CHST5: variants seen among roughly 807,000 people sequenced by gnomAD.
CHST5 encodes carbohydrate sulfotransferase 5.
For synonymous variants in CHST5, 313 were observed against 279.2 expected (o/e 1.12, Z -1.21); for missense variants, 637 against 602.1 (o/e 1.06, Z -0.61).
In CHST5 at chr16:75,531,104, C is replaced by T. The variant is rs1159643414; in HGVS notation, c.-720G>A. The stretch of plus-strand genomic sequence containing the variant: ...ATGGGAGGCCGAGGCGGGCGGATCA[C>T]GAGGTCAGGAGATCGAGACCATCCT... On this transcript the variant is annotated 5_prime_UTR_variant, in exon 4 of 4. In the 5' UTR this introduces an upstream ATG that the reference lacks. Transcript: ENST00000336257. 4.3e-6 allele frequency: 4 copies of T among 935,750 alleles called. No individual in the cohort carries two copies. In the African/African-American group the frequency reaches 5.4e-5, roughly 13 times the overall value. 58.0% of individuals were successfully genotyped at this position (935,750 alleles called of 1,614,324 possible).
At chr16:75,535,762 G>T (rs553465037) in intron 1 of CHST5, among the ~76,000 whole-genome samples, 1 of 152,228 alleles carries the variant, frequency 6.6e-6, no homozygotes, top group South Asian at 2.1e-4. Flanking sequence ...GGGCCCAGGT[G>T]GGCTGGGGCT....
intron 2 of CHST5, 95 bp from the exon 3 acceptor site, chr16:75,533,278 C>G (rs2080538426): frequency 2.9e-6 from 2 of 700,552 alleles, no homozygotes; most frequent in Admixed American, 2.0e-5. Context: ...TATGCACTTT[C>G]ATCTTCATGA....
In CHST5 at chr16:75,529,500, G is replaced by A. The variant is rs1597025775; in HGVS notation, c.885C>T (p.Phe295=). 1.2e-6 allele frequency: 2 copies of A among 1,611,340 alleles called. No homozygotes were observed. The highest frequency in any genetic ancestry group is 8.5e-7 in the Non-Finnish European group (1 of 1,179,702). ...CCAGCGGCTCCCGCGCCAGGTCCTCGAAGCGCACCAGGCGGTAGCGGCCGC... is the reference window on the plus strand; with the variant it reads ...CCAGCGGCTCCCGCGCCAGGTCCTCAAAGCGCACCAGGCGGTAGCGGCCGC... ...FLRGRYRLVR[F]EDLAREPLAE... is the part of the protein sequence containing the mutation. Residue 295 remains phenylalanine, a synonymous_variant, in exon 4 of 4, where the codon TTC becomes TTT. Transcript: ENST00000336257.
In CHST5 at chr16:75,529,902, G is replaced by C; in HGVS notation, c.483C>G (p.Pro161=). The change falls in exon 4 of 4, where the codon CCC becomes CCG. Residue 161 remains proline (P), a synonymous_variant. Transcript: ENST00000336257. ...CGTCCTGCTTGCTGATGGTGCCTCG[G>C]GGAAAGGCGCTGCAGGCGGGCGGCG... ...LCSPPACSAF[P]RGTISKQDVC... 3 of 1,613,496 alleles carry C rather than the reference G, an allele frequency of 1.9e-6. No homozygotes were observed. In the East Asian group the frequency reaches 6.7e-5, roughly 36 times the overall value.
At chr16:75,531,835 G>C (rs1597028471) in intron 3 of CHST5, among the ~76,000 whole-genome samples, 195 bp from the exon 4 acceptor site, 1 of 152,202 alleles carries the variant, frequency 6.6e-6, no homozygotes, top group Admixed American at 6.5e-5. Flanking sequence ...CACCAGGCTT[G>C]CTGAGGTTGA....
At position 75,530,760 on chromosome 16, in the gene CHST5, C is replaced by G; in HGVS notation, c.-376G>C. 1 of 1,049,690 alleles carries G rather than the reference C, an allele frequency of 9.5e-7. No individual in the cohort carries two copies. The highest frequency in any genetic ancestry group is 1.2e-6 in the Non-Finnish European group (1 of 860,652). The allele number at this position is 1,049,690 out of a possible 1,614,324, so 65.0% of individuals were successfully genotyped here. A position where few individuals can be genotyped will look rare whatever the true frequency, so the allele number is the denominator to read the frequency against. ...GGCTTCGGTGGATGTCAGAGCACCA[C>G]CAGGCTCGCCGAGGTTGAATCCTGG... On this transcript the variant is annotated 5_prime_UTR_variant, in exon 4 of 4. Coordinates refer to ENST00000336257, the MANE Select transcript of CHST5 (RefSeq NM_024533.5).
chr16:75,535,810 C>T (rs1180521813), intron 1 of CHST5, among the ~76,000 whole-genome samples: 1 of 152,210 alleles, frequency 6.6e-6, no homozygotes, highest in East Asian at 1.9e-4. Context: ...TGTCAAAGGA[C>T]GCTGGCAGAG....
Position 75,529,031 on chromosome 16 carries a change from A to C in CHST5, c.*118T>G. The C allele has an allele frequency of 8.6e-7, 1 of 1,161,312 alleles. No individual in the cohort carries two copies. Among genetic ancestry groups the C allele is most frequent in the Non-Finnish European group, 1.2e-6 (1 of 845,156 alleles). The allele number at this position is 1,161,312 out of a possible 1,614,324, so 71.9% of individuals were successfully genotyped here. A position where few individuals can be genotyped will look rare whatever the true frequency, so the allele number is the denominator to read the frequency against. ...TTGCCTACTTCAGGGGAGGACCCCA[A>C]ACTCCCGGTTGATAGTAGGGACCTG... On this transcript the variant is annotated 3_prime_UTR_variant, in exon 4 of 4. Coordinates refer to ENST00000336257, the MANE Select transcript of CHST5 (RefSeq NM_024533.5).
intron 2 of CHST5, 139 bp from the exon 3 acceptor site, chr16:75,533,322 G>C (rs2080538715): frequency 1.5e-6 from 1 of 680,236 alleles, no homozygotes; most frequent in Admixed American, 2.1e-5. Flanking sequence ...CTTGGAGGTA[G>C]AAATAACCAT....
At position 75,529,768 on chromosome 16, in the gene CHST5, A is replaced by G. The variant is rs771584272; in HGVS notation, c.617T>C (p.Leu206Pro). 3.1e-6 allele frequency: 5 copies of G among 1,613,668 alleles called. No individual in the cohort carries two copies. The highest frequency in any genetic ancestry group is 4.2e-6 in the Non-Finnish European group (5 of 1,179,880). Residue 206 changes from leucine to proline, a missense_variant, in exon 4 of 4, where the codon CTC (leucine) becomes CCC (proline). Leu to Pro is a moderately conservative substitution (Grantham distance 98). Transcript: ENST00000336257. ...KEVRFFNLQV[L>P]YPLLSDPALN... ...CGCGGGGTCGCTGAGCAGCGGGTAG[A>G]GCACCTGCAGGTTGAAGAAGCGCAC...
Position 75,531,166 on chromosome 16 carries a change from C to T in CHST5, c.-782G>A. Reference sequence around the variant, plus strand: ...TGAGACCCCATCTCTACTAAAAATACAAAAAATTAGCCAGGCGTGATGGTG... The same window carrying T: ...TGAGACCCCATCTCTACTAAAAATATAAAAAATTAGCCAGGCGTGATGGTG... On this transcript the variant is annotated 5_prime_UTR_variant, in exon 4 of 4. Coordinates refer to ENST00000336257, the MANE Select transcript of CHST5 (RefSeq NM_024533.5). 1.5e-6 allele frequency: 1 copy of T among 656,862 alleles called. No homozygotes were observed. The highest frequency in any genetic ancestry group is 1.9e-6 in the Non-Finnish European group (1 of 521,772). The allele number at this position is 656,862 out of a possible 1,614,324, so 40.7% of individuals were successfully genotyped here.
Position 75,529,693 on chromosome 16 carries a change from C to G in CHST5, c.692G>C (p.Arg231Pro), listed in dbSNP as rs563406171. The G allele has an allele frequency of 6.2e-7, 1 of 1,610,696 alleles. No homozygotes were observed. The highest frequency in any genetic ancestry group is 8.5e-7 in the Non-Finnish European group (1 of 1,178,718). The change falls in exon 4 of 4, where the codon CGC becomes CCC. Residue 231 changes from arginine to proline, a missense_variant. Coordinates refer to ENST00000336257, the MANE Select transcript of CHST5 (RefSeq NM_024533.5). ...HLVRDPRAVL[R>P]SREAAGPILA... Reference sequence around the variant, plus strand: ...TATCGGGCCCGCCGCCTCCCGGGAGCGCAGCACGGCCCGCGGGTCGCGCAC... The same window carrying G: ...TATCGGGCCCGCCGCCTCCCGGGAGGGCAGCACGGCCCGCGGGTCGCGCAC...
In CHST5 at chr16:75,530,005, T is replaced by A. The variant is rs2080501613; in HGVS notation, c.380A>T (p.Asp127Val). ...LMRSIFLCDM[D>V]VFDAYMPQSR... ...CTGTGGCATGTAGGCATCAAACACG[T>A]CCATGTCGCACAAAAAGATAGAGCG... The change falls in exon 4 of 4, where the codon GAC (aspartate) becomes GTC (valine). Residue 127 changes from aspartate (D) to valine (V), a missense_variant. Physicochemically the swap from Asp to Val is radical, Grantham distance 152 (BLOSUM62 -3). Transcript: ENST00000336257. 1.2e-6 allele frequency: 2 copies of A among 1,613,316 alleles called. No individual in the cohort carries two copies. The highest frequency in any genetic ancestry group is 4.5e-5 in the East Asian group (2 of 44,866).
rs2080485729 is a variant in CHST5 at position 75,529,007 on chromosome 16, T to C, written c.*142A>G. ...AGGAGAGAAAGAAACGTGCAGTCCT[T>C]GCCTACTTCAGGGGAGGACCCCAAA... On this transcript the variant is annotated 3_prime_UTR_variant, in exon 4 of 4. Coordinates refer to ENST00000336257, the MANE Select transcript of CHST5 (RefSeq NM_024533.5). 41 of 837,900 alleles carry C rather than the reference T, an allele frequency of 4.9e-5. No homozygotes were observed. In the Middle Eastern group the frequency reaches 2.2e-3, roughly 45 times the overall value. 51.9% of individuals were successfully genotyped at this position (837,900 alleles called of 1,614,324 possible). A position where few individuals can be genotyped will look rare whatever the true frequency, so the allele number is the denominator to read the frequency against.
chr16:75,534,603 T>G (rs2080548155), intron 2 of CHST5, among the ~76,000 whole-genome samples: 1 of 152,224 alleles, frequency 6.6e-6, no homozygotes, highest in African/African-American at 2.4e-5. Context: ...ATCAGGCCAC[T>G]GCACTTCAGC....
In CHST5 at chr16:75,529,754, T is replaced by C. The variant is rs781367224; in HGVS notation, c.631A>G (p.Ser211Gly). 3 of 1,613,318 alleles carry C rather than the reference T, an allele frequency of 1.9e-6. No homozygotes were observed. The highest frequency in any genetic ancestry group is 1.7e-6 in the Non-Finnish European group (2 of 1,179,842). ...FNLQVLYPLL[S>G]DPALNLRIVH... The stretch of plus-strand genomic sequence containing the variant: ...ATGCGCAGGTTGAGCGCGGGGTCGC[T>C]GAGCAGCGGGTAGAGCACCTGCAGG... Residue 211 changes from serine (S) to glycine (G), a missense_variant, in exon 4 of 4, where the codon AGC becomes GGC. Transcript: ENST00000336257.
chr16:75,536,021 G>A (rs2080558828), intron 1 of CHST5, among the ~76,000 whole-genome samples, 23 bp downstream of exon 1: 1 of 152,156 alleles, frequency 6.6e-6, no homozygotes, highest in Non-Finnish European at 1.5e-5. Flanking sequence ...CCCAACCTCA[G>A]CCCTAAGCCA....
chr16:75,532,077 G>C (rs1428528341), intron 3 of CHST5, among the ~76,000 whole-genome samples: 2 of 152,132 alleles, frequency 1.3e-5, no homozygotes, highest in African/African-American at 4.8e-5. Context: ...ACCTATGAGG[G>C]GAGGGCCTGG....
At position 75,529,158 on chromosome 16, in the gene CHST5, C is replaced by A. The variant is rs755040961; in HGVS notation, c.1227G>T (p.Ser409=). Residue 409 remains serine (S), a synonymous_variant, in exon 4 of 4, where the codon TCG becomes TCT. Coordinates refer to ENST00000336257, the MANE Select transcript of CHST5 (RefSeq NM_024533.5). ...PRGPDHFSWA[S]PD ...CTAAGGCCCAGAGTTCTCAGTCAGG[C>A]GATGCCCAGCTGAAGTGGTCTGGGC... is the stretch of plus-strand genomic sequence containing the variant. 5 of 1,578,110 alleles carry A rather than the reference C, an allele frequency of 3.2e-6. No individual in the cohort carries two copies. The highest frequency in any genetic ancestry group is 1.3e-5 in the African/African-American group (1 of 74,366).
Sources: allele counts gnomAD v4.1 joint callset (sites outside exome capture counted in the v4.1 genomes callset), GRCh38; gene constraint gnomAD v4.1.1; transcripts MANE v1.5; gene names NCBI Gene and HGNC (gene_info 2026-07-23, HGNC 2026-07-21).